HERC3: variants seen among roughly 807,000 people sequenced by gnomAD.
HERC3 encodes HECT and RLD domain containing E3 ubiquitin protein ligase 3, also known as probable E3 ubiquitin-protein ligase HERC3.
HERC3 carries 58 observed loss-of-function variants against 129.9 expected under a neutral mutation model. The ratio of observed to expected loss-of-function variants is 0.45; its 90% CI spans 0.36 to 0.56. The LOEUF (loss-of-function observed/expected upper bound fraction) is 0.56. Ranked by LOEUF, HERC3 falls within the 20% of genes least tolerant of loss-of-function variation. The pLI, the probability that HERC3 is intolerant of heterozygous loss-of-function variation, is 0.00. For missense variants in HERC3, 835 were observed against 1,244.2 expected (o/e 0.67, Z 4.95); for synonymous variants, 430 against 451.0 (o/e 0.95, Z 0.59).
chr4:88,540,404 TAGAA>T, the HERC3 span, among the ~76,000 whole-genome samples: 1 of 151,776 alleles, frequency 6.6e-6, no homozygotes, highest in Non-Finnish European at 1.5e-5. Flanking sequence ...AGAAAAAAAG[TAGAA>T]AGAAATGAAC....
chr4:88,605,767 A>G, intron 2 of HERC3, 28 bp from the exon 3 acceptor site: 2 of 1,398,932 alleles, frequency 1.4e-6, no homozygotes, highest in Non-Finnish European at 9.9e-7. Flanking sequence ...TTTTAATTAA[A>G]AAATAATTTT....
At chr4:88,619,292 A>T (rs565545672) in intron 3 of HERC3, among the ~76,000 whole-genome samples, 1 of 152,308 alleles carries the variant, frequency 6.6e-6, no homozygotes, top group African/African-American at 2.4e-5. Context: ...ACTTATTTTT[A>T]GTCAGGCTTT....
intron 23 of HERC3, chr4:88,697,606 T>C: frequency 1.9e-6 from 3 of 1,613,986 alleles, no homozygotes; most frequent in Non-Finnish European, 2.5e-6. Flanking sequence ...CTCAGCCATC[T>C]GACCAGCCGC....
chr4:88,697,767 G>A (rs1734800419), intron 23 of HERC3: 4 of 1,597,832 alleles, frequency 2.5e-6, no homozygotes, highest in Admixed American at 1.7e-5. Context: ...TAGAGGAGAA[G>A]CCGCAGAGGT....
the HERC3 span, among the ~76,000 whole-genome samples, chr4:88,531,941 C>A: frequency 3.9e-5 from 6 of 152,162 alleles, no homozygotes; most frequent in South Asian, 1.2e-3. Flanking sequence ...TAGCTTAACA[C>A]CAAAACTCCA....
intron 23 of HERC3, chr4:88,690,376 A>G (rs1733951693): frequency 2.0e-6 from 2 of 985,458 alleles, no homozygotes; most frequent in Non-Finnish European, 2.4e-6. Flanking sequence ...GGATTGCTTT[A>G]TAACATTGTA....
At chr4:88,595,879 C>T (rs1375751322) in intron 2 of HERC3, among the ~76,000 whole-genome samples, 1 of 112,806 alleles carries the variant, frequency 8.9e-6, no homozygotes, top group Non-Finnish European at 1.7e-5. Flanking sequence ...GAGAGGGAGT[C>T]TGGCTGTCGC....
the HERC3 span, among the ~76,000 whole-genome samples, chr4:88,553,827 C>T: frequency 3.3e-5 from 5 of 152,116 alleles, no homozygotes; most frequent in African/African-American, 9.7e-5. Context: ...TGAGCCACTG[C>T]GCGGCCACCA....
chr4:88,581,046 G>T, the HERC3 span, among the ~76,000 whole-genome samples: 1 of 152,154 alleles, frequency 6.6e-6, no homozygotes, highest in Non-Finnish European at 1.5e-5. Context: ...TGCTGTAATG[G>T]CATGGCACAT....
At chr4:88,645,812 C>T (rs1022503051) in intron 3 of HERC3, among the ~76,000 whole-genome samples, 16 of 152,072 alleles carry the variant, frequency 1.1e-4, no homozygotes, top group Admixed American at 9.2e-4. Flanking sequence ...CTGCACTGAT[C>T]GCAGGTAACT....
At chr4:88,579,228 A>T in the HERC3 span, among the ~76,000 whole-genome samples, 1,869 of 97,984 alleles carry the variant, frequency 0.019, 46 homozygotes, top group African/African-American at 0.16. Flanking sequence ...CTAAAAAAAA[A>T]AAAAATATAT....
intron 3 of HERC3, among the ~76,000 whole-genome samples, chr4:88,640,147 A>G (rs994454491): frequency 2.6e-5 from 4 of 152,244 alleles, no homozygotes; most frequent in Non-Finnish European, 5.9e-5. Context: ...AATTAGTTCA[A>G]TTATTGTGGA....
At chr4:88,548,299 T>A in the HERC3 span, among the ~76,000 whole-genome samples, 1 of 152,204 alleles carries the variant, frequency 6.6e-6, no homozygotes, top group African/African-American at 2.4e-5. Context: ...GGCTGCACCA[T>A]TTTATCTCTA....
chr4:88,528,149 C>T, the HERC3 span: 1 of 225,516 alleles, frequency 4.4e-6, no homozygotes, highest in Non-Finnish European at 9.1e-6. Context: ...TTGATAAAAC[C>T]AGTCAGGCCC....
Position 88,680,149 on chromosome 4 carries a change from T to C in HERC3, c.2253T>C (p.Phe751=), listed in dbSNP as rs75022724. The C allele has an allele frequency of 5.0e-3, 8,135 of 1,613,390 alleles. 24 individuals are homozygous for C. The highest frequency in any genetic ancestry group is 6.1e-3 in the Admixed American group (368 of 59,964). Reference sequence around the variant, plus strand: ...CCGGTGGTGTTACAAAGGAATTTTTTCTTTTGCTGTTAAAAGAACTTTTGA... The same window carrying C: ...CCGGTGGTGTTACAAAGGAATTTTTCCTTTTGCTGTTAAAAGAACTTTTGA... ...VDAGGVTKEF[F]LLLLKELLNP... is the part of the protein sequence containing the mutation. Residue 751 remains phenylalanine, a synonymous_variant, in exon 20 of 26, where the codon TTT becomes TTC. Coordinates refer to ENST00000402738, the MANE Select transcript of HERC3 (RefSeq NM_014606.3).
intron 23 of HERC3, among the ~76,000 whole-genome samples, chr4:88,702,332 C>G (rs1370487474): frequency 6.6e-6 from 1 of 152,208 alleles, no homozygotes; most frequent in Non-Finnish European, 1.5e-5. Flanking sequence ...TACTCTTACT[C>G]TCCCCCATTT....
intron 16 of HERC3, among the ~76,000 whole-genome samples, chr4:88,675,635 T>G (rs1046335932): frequency 7.9e-5 from 12 of 151,906 alleles, no homozygotes; most frequent in African/African-American, 4.8e-5. Flanking sequence ...ATTACTCCCC[T>G]CCAAAGTTTA....
the HERC3 span, among the ~76,000 whole-genome samples, chr4:88,531,273 C>T: frequency 2.6e-5 from 4 of 152,038 alleles, no homozygotes; most frequent in Admixed American, 2.0e-4. Context: ...GAACTGGCCT[C>T]AAGCTGTCCT....
intron 2 of HERC3, among the ~76,000 whole-genome samples, chr4:88,604,800 ATGGTATCTCT>A (rs1318980057): frequency 6.6e-6 from 1 of 152,206 alleles, no homozygotes; most frequent in Non-Finnish European, 1.5e-5. Context: ...GCTGGATCAC[ATGGTATCTCT>A]ATGTTTAGTC....
Sources: gnomAD v4.1 joint callset for allele counts (sites outside exome capture counted in the v4.1 genomes callset) on GRCh38, gnomAD v4.1.1 for gene constraint, MANE v1.5 for transcripts, NCBI Gene and HGNC (gene_info 2026-07-23, HGNC 2026-07-21) for gene names.